The following KCNIP4 variants were observed in gnomAD, a reference collection of about 807,000 sequenced individuals.
The protein encoded by KCNIP4 is Kv channel-interacting protein 4.
KCNIP4 carries 12 observed loss-of-function variants against 34.0 expected under a neutral mutation model. That is an observed-to-expected ratio of 0.35 (90% confidence interval 0.23 to 0.57). The LOEUF is 0.57. KCNIP4 is among the 20% of genes least tolerant of loss of function. The pLI is 0.83. For synonymous variants in KCNIP4, 124 were observed against 102.2 expected (o/e 1.21, Z -1.29); for missense variants, 238 against 311.7 (o/e 0.76, Z 1.78).
chr4:20,751,878 T>G lies in KCNIP4; in HGVS notation c.359-2146A>C, dbSNP rs911258894. ...TTTAGAAGTTACAGCGGCTTCCCAG[T>G]CTAGACAATCTATGCACAGAGGTTT... On this transcript the variant is annotated intron_variant, in intron 4 of 8. Transcript: ENST00000382152. 6.6e-5 allele frequency among the ~76,000 whole-genome samples: 10 copies of G among 152,202 alleles called. No individual in the cohort carries two copies. In the Middle Eastern group the frequency reaches 0.014, roughly 207 times the overall value.
intron 1 of KCNIP4, among the ~76,000 whole-genome samples, chr4:21,482,640 C>T (rs1329673033): frequency 1.3e-5 from 2 of 152,076 alleles, no homozygotes; most frequent in African/African-American, 4.8e-5. Flanking sequence ...AATATTGGCC[C>T]CCACTCTCTT....
chr4:21,751,744 T>C (rs1176521746), intron 1 of KCNIP4, among the ~76,000 whole-genome samples: 1 of 152,118 alleles, frequency 6.6e-6, no homozygotes, highest in African/African-American at 2.4e-5. Context: ...TTTACATTTA[T>C]ATGAAATCAC....
intron 1 of KCNIP4, among the ~76,000 whole-genome samples, chr4:21,569,234 T>TTAA (rs1740162055): frequency 7.9e-5 from 2 of 25,176 alleles, no homozygotes; most frequent in Non-Finnish European, 6.9e-5. Flanking sequence ...ACTGATATTC[T>TTAA]AAAAAAAAAA....
intron 1 of KCNIP4, among the ~76,000 whole-genome samples, chr4:21,016,044 AC>A (rs1319249847): frequency 7.4e-5 from 11 of 148,290 alleles, no homozygotes; most frequent in South Asian, 2.1e-4. Context: ...AAGAAAAAAA[AC>A]AAATTGAAAT....
chr4:21,483,934 C>T (rs1160448762), intron 1 of KCNIP4, among the ~76,000 whole-genome samples: 3 of 152,114 alleles, frequency 2.0e-5, no homozygotes, highest in African/African-American at 7.2e-5. Flanking sequence ...TTCCTGAGGC[C>T]TCCCAGGAAG....
chr4:21,129,152 A>T (rs985376884), intron 1 of KCNIP4, among the ~76,000 whole-genome samples: 2 of 152,160 alleles, frequency 1.3e-5, no homozygotes, highest in African/African-American at 4.8e-5. Flanking sequence ...TATAAATGGG[A>T]GTTCCCTTGC....
chr4:21,000,752 T>C (rs760729407), intron 1 of KCNIP4, among the ~76,000 whole-genome samples: 2 of 152,178 alleles, frequency 1.3e-5, no homozygotes, highest in Admixed American at 1.3e-4. Context: ...GATAACTCTT[T>C]GATTTTTTGT....
intron 1 of KCNIP4, among the ~76,000 whole-genome samples, chr4:21,231,565 G>A (rs1209268140): frequency 1.3e-5 from 2 of 151,998 alleles, no homozygotes; most frequent in East Asian, 3.9e-4. Flanking sequence ...CTGTGCCTTG[G>A]TATTGGGTTG....
intron 1 of KCNIP4, among the ~76,000 whole-genome samples, chr4:21,385,199 G>A (rs1721910234): frequency 6.6e-6 from 1 of 152,154 alleles, no homozygotes; most frequent in African/African-American, 2.4e-5. Context: ...AAATTGGAGT[G>A]AGAGAGGTGA....
chr4:21,606,981 A>G (rs926887452), intron 1 of KCNIP4, among the ~76,000 whole-genome samples: 1 of 151,864 alleles, frequency 6.6e-6, no homozygotes, highest in African/African-American at 2.4e-5. Flanking sequence ...GGTTCCTCAC[A>G]TATAACTCAG....
At chr4:20,731,542 C>CTGG (rs1748210312) in intron 8 of KCNIP4, 2 of 985,236 alleles carry the variant, frequency 2.0e-6, no homozygotes, top group Non-Finnish European at 2.4e-6. Context: ...GTCAAAGAGC[C>CTGG]ATTTCTTGTC....
chr4:21,845,838 G>A (rs1723981459), intron 1 of KCNIP4: 1 of 151,992 alleles, frequency 6.6e-6, no homozygotes, highest in Non-Finnish European at 1.5e-5. Flanking sequence ...TTAGTAGCTG[G>A]ATTGGCTAAA....
chr4:21,218,416 C>A (rs1757765843), intron 1 of KCNIP4, among the ~76,000 whole-genome samples: 1 of 151,994 alleles, frequency 6.6e-6, no homozygotes, highest in Admixed American at 6.6e-5. Flanking sequence ...TTCTTCATTT[C>A]ATTATTATAA....
chr4:21,891,714 T>C (rs1727106022), intron 1 of KCNIP4, among the ~76,000 whole-genome samples: 1 of 152,164 alleles, frequency 6.6e-6, no homozygotes, highest in African/African-American at 2.4e-5. Flanking sequence ...CAAAAATCTG[T>C]ATCAAATAAG....
chr4:21,792,000 C>CAAAAAAAAAAAAA (rs71193407), intron 1 of KCNIP4, among the ~76,000 whole-genome samples: 11 of 59,752 alleles, frequency 1.8e-4, no homozygotes, highest in African/African-American at 6.9e-4. Flanking sequence ...GACTCCGTCT[C>CAAAAAAAAAAAAA]AAAAAAAAAA....
chr4:21,154,540 A>G (rs1753005802), intron 1 of KCNIP4, among the ~76,000 whole-genome samples: 1 of 152,198 alleles, frequency 6.6e-6, no homozygotes, highest in African/African-American at 2.4e-5. Context: ...TGACCTAAAG[A>G]GCTTAAATGT....
At chr4:20,924,165 T>C (rs1729676763) in intron 1 of KCNIP4, among the ~76,000 whole-genome samples, 1 of 152,216 alleles carries the variant, frequency 6.6e-6, no homozygotes, top group Admixed American at 6.5e-5. Flanking sequence ...TAAACAGTCT[T>C]GAAGCTTTTG....
chr4:21,225,656 A>G (rs544836705), intron 1 of KCNIP4, among the ~76,000 whole-genome samples: 1 of 152,296 alleles, frequency 6.6e-6, no homozygotes, highest in South Asian at 2.1e-4. Flanking sequence ...GGGTGCAGTA[A>G]CATGAGCAAT....
At chr4:20,741,456 C>A (rs902210614) in intron 5 of KCNIP4, among the ~76,000 whole-genome samples, 1 of 152,190 alleles carries the variant, frequency 6.6e-6, no homozygotes, top group South Asian at 2.1e-4. Context: ...GAACAACCTG[C>A]TCCTGAATGA....
Sources: allele counts gnomAD v4.1 joint callset (sites outside exome capture counted in the v4.1 genomes callset), GRCh38; gene constraint gnomAD v4.1.1; transcripts MANE v1.5; gene names NCBI Gene and HGNC (gene_info 2026-07-23, HGNC 2026-07-21).